The following SEC24B variants were observed in gnomAD, a reference collection of about 807,000 sequenced individuals.
SEC24B encodes protein transport protein Sec24B.
SEC24B carries 45 observed loss-of-function variants against 142.8 expected under a neutral mutation model. That is an observed-to-expected ratio of 0.32 (90% confidence interval 0.25 to 0.40). The LOEUF (loss-of-function observed/expected upper bound fraction) is 0.40, where lower values mean the gene tolerates loss of function less well. SEC24B is among the 10% of genes least tolerant of loss of function. The probability of loss-of-function intolerance (pLI) is 1.00; values close to 1 mark genes in which losing one functional copy is unlikely to be tolerated. For missense variants in SEC24B, 1,409 were observed against 1,526.8 expected (o/e 0.92, Z 1.29); for synonymous variants, 574 against 568.2 (o/e 1.01, Z -0.15).
chr4:109,449,853 G>C (rs1729879243), intron 1 of SEC24B, among the ~76,000 whole-genome samples: 1 of 152,066 alleles, frequency 6.6e-6, no homozygotes, highest in African/African-American at 2.4e-5. Context: ...TTCTTCCTCT[G>C]TGAGGTTATT....
At chr4:109,482,979 T>TATATATATATATATATACACAC (rs781527364) in intron 4 of SEC24B, among the ~76,000 whole-genome samples, 8 of 26,402 alleles carry the variant, frequency 3.0e-4, no homozygotes, top group Non-Finnish European at 4.5e-4. Context: ...TATATATATA[T>TATATATATATATATATACACAC]ACACACACAC....
intron 10 of SEC24B, 130 bp downstream of exon 10, chr4:109,513,986 T>C: frequency 1.7e-6 from 1 of 594,908 alleles, no homozygotes; most frequent in Non-Finnish European, 3.0e-6. Context: ...AAATTAATGC[T>C]GGAAGTTTAT....
intron 10 of SEC24B, among the ~76,000 whole-genome samples, chr4:109,516,078 C>A (rs1722831328): frequency 1.3e-5 from 2 of 152,070 alleles, no homozygotes; most frequent in Admixed American, 1.3e-4. Flanking sequence ...ATAATACCAT[C>A]ACAAGGACTT....
In SEC24B at chr4:109,463,630, A is replaced by G. The variant is rs201726204; in HGVS notation, c.863A>G (p.Asn288Ser). 254 of 1,612,908 alleles carry G rather than the reference A, an allele frequency of 1.6e-4. No homozygotes were observed. The African/African-American group carries it at 3.2e-3, about 20-fold the overall frequency. Residue 288 changes from asparagine to serine, a missense_variant, in exon 2 of 24, where the codon AAC (asparagine) becomes AGC (serine). Around this residue, in one of 2 missense-constraint regions of SEC24B, gnomAD observed 709 missense variants for 673.5 expected, o/e 1.05. Coordinates refer to ENST00000265175, the MANE Select transcript of SEC24B (RefSeq NM_006323.5). ...HTGSLAVANN[N>S]PTITVADSLS... ...GGATCCCTGGCTGTAGCGAACAACAACCCAACCATTACTGGTAGGTTGAAT... is the reference window on the plus strand; with the variant it reads ...GGATCCCTGGCTGTAGCGAACAACAGCCCAACCATTACTGGTAGGTTGAAT...
chr4:109,491,399 G>A lies in SEC24B; in HGVS notation c.1238G>A (p.Ser413Asn), dbSNP rs1259951765. ...PNSYDALEGG[S>N]YPDMLSSSAS... is the part of the protein sequence containing the mutation. The stretch of plus-strand genomic sequence containing the variant: ...AGTTATGATGCCCTGGAAGGAGGCA[G>A]TTACCCAGGTAATTTGTTTTGTGCT... The change falls in exon 5 of 24, where the codon AGT (serine) becomes AAT (asparagine). Residue 413 changes from serine (S) to asparagine (N), a missense_variant. This residue lies in a region of SEC24B where 709 missense variants were observed against 673.5 expected (regional missense o/e 1.05). Coordinates refer to ENST00000265175, the MANE Select transcript of SEC24B (RefSeq NM_006323.5). 2 of 1,611,912 alleles carry A rather than the reference G, an allele frequency of 1.2e-6. No individual in the cohort carries two copies. Among genetic ancestry groups the A allele is most frequent in the South Asian group, 2.2e-5 (2 of 90,998 alleles).
At chr4:109,528,588 A>G (rs966391280) in intron 18 of SEC24B, among the ~76,000 whole-genome samples, 6 of 152,146 alleles carry the variant, frequency 3.9e-5, no homozygotes, top group African/African-American at 9.7e-5. Context: ...TGATGGAACT[A>G]TTGTGTATCC....
At chr4:109,483,001 C>CAT (rs1238618814) in intron 4 of SEC24B, among the ~76,000 whole-genome samples, 1 of 99,780 alleles carries the variant, frequency 1.0e-5, no homozygotes, top group African/African-American at 4.8e-5. Context: ...CACACACACA[C>CAT]ACATATTATA....
intron 16 of SEC24B, 123 bp from the exon 17 acceptor site, chr4:109,526,103 C>T (rs1578987411): frequency 2.2e-6 from 2 of 896,380 alleles, no homozygotes; most frequent in East Asian, 4.9e-5. Context: ...TATGCTTGAA[C>T]CTTGACTCCC....
At chr4:109,518,034 C>G (rs972540986) in intron 11 of SEC24B, among the ~76,000 whole-genome samples, 1 of 152,004 alleles carries the variant, frequency 6.6e-6, no homozygotes, top group African/African-American at 2.4e-5. Context: ...GTGGCGCGAT[C>G]TCAGCTCACT....
chr4:109,449,262 C>A (rs1729802628), intron 1 of SEC24B, among the ~76,000 whole-genome samples: 1 of 152,114 alleles, frequency 6.6e-6, no homozygotes, highest in South Asian at 2.1e-4. Context: ...GTCTCACTGT[C>A]ACCTGGGTTG....
chr4:109,538,807 A>T (rs1056057024), intron 23 of SEC24B, among the ~76,000 whole-genome samples: 4 of 152,030 alleles, frequency 2.6e-5, no homozygotes, highest in African/African-American at 9.7e-5. Flanking sequence ...TTTGAGATAG[A>T]GTCTCACTCT....
chr4:109,464,926 C>T (rs767399182), intron 2 of SEC24B, among the ~76,000 whole-genome samples: 2 of 152,118 alleles, frequency 1.3e-5, no homozygotes, highest in African/African-American at 2.4e-5. Context: ...CAGTGGATCC[C>T]GCTGTTCTTG....
At chr4:109,438,399 G>C (rs1040684520) in intron 1 of SEC24B, among the ~76,000 whole-genome samples, 1 of 152,070 alleles carries the variant, frequency 6.6e-6, no homozygotes, top group Non-Finnish European at 1.5e-5. Context: ...CTGCAGCCTT[G>C]AACTCCTGGG....
intron 6 of SEC24B, among the ~76,000 whole-genome samples, chr4:109,501,935 CA>C (rs899330230): frequency 3.3e-5 from 5 of 152,216 alleles, no homozygotes; most frequent in African/African-American, 1.2e-4. Context: ...ATTAATAAGA[CA>C]ATAAATAAGT....
intron 9 of SEC24B, among the ~76,000 whole-genome samples, chr4:109,512,715 G>A (rs1254318538): frequency 6.6e-6 from 1 of 150,642 alleles, no homozygotes; most frequent in Non-Finnish European, 1.5e-5. Flanking sequence ...GAGTGCAGTT[G>A]CACAATATGG....
At chr4:109,479,171 G>A (rs539194944) in intron 3 of SEC24B, among the ~76,000 whole-genome samples, 5 of 152,246 alleles carry the variant, frequency 3.3e-5, no homozygotes, top group African/African-American at 1.2e-4. Context: ...AAATATTGGG[G>A]CCCTTTGAAT....
chr4:109,527,877 G>A (rs887304463), intron 18 of SEC24B, among the ~76,000 whole-genome samples: 3 of 152,102 alleles, frequency 2.0e-5, no homozygotes, highest in African/African-American at 7.2e-5. Context: ...GAATCAGACT[G>A]TCCTCACATT....
chr4:109,533,552 CTA>C, intron 21 of SEC24B, 39 bp from the exon 22 acceptor site: 2 of 1,187,278 alleles, frequency 1.7e-6, no homozygotes, highest in South Asian at 2.5e-5. Flanking sequence ...AATGAATTAA[CTA>C]TTAGGGAGTT....
intron 1 of SEC24B, 49 bp downstream of exon 1, chr4:109,434,051 G>C: frequency 1.9e-6 from 2 of 1,037,082 alleles, no homozygotes; most frequent in Non-Finnish European, 2.3e-6. Flanking sequence ...CCGGCTGGGC[G>C]GCCTGCACGG....
Sources: allele counts gnomAD v4.1 joint callset (sites outside exome capture counted in the v4.1 genomes callset), GRCh38; gene constraint gnomAD v4.1.1; regional missense constraint gnomAD v4.1.1; transcripts MANE v1.5; gene names NCBI Gene and HGNC (gene_info 2026-07-23, HGNC 2026-07-21).